LUZP2: variants seen among roughly 807,000 people sequenced by gnomAD.
LUZP2 encodes leucine zipper protein 2.
A neutral mutation model predicts 51.6 loss-of-function variants in LUZP2; 52 were observed. The ratio of observed to expected loss-of-function variants is 1.01; its 90% CI spans 0.81 to 1.27. The LOEUF (loss-of-function observed/expected upper bound fraction) is 1.27. Among genes scored for constraint, LUZP2 ranks in the 50% most tolerant of loss-of-function variants. LUZP2 has a pLI of 0.00. For missense variants in LUZP2, 436 were observed against 395.4 expected, an observed-to-expected ratio of 1.10 and a Z score of -0.87; for synonymous variants, 154 against 137.3, an observed-to-expected ratio of 1.12 and a Z score of -0.85.
At chr11:24,917,532 C>T (rs1171006382) in intron 7 of LUZP2, among the ~76,000 whole-genome samples, 1 of 152,056 alleles carries the variant, frequency 6.6e-6, no homozygotes, top group Non-Finnish European at 1.5e-5. Flanking sequence ...GGAAGGGATC[C>T]AATTTTAGCT....
intron 5 of LUZP2, among the ~76,000 whole-genome samples, chr11:24,806,870 T>C (rs944633721): frequency 1.3e-5 from 2 of 151,434 alleles, no homozygotes; most frequent in African/African-American, 2.4e-5. Flanking sequence ...CCGATTTCTA[T>C]GGAATCACAT....
intron 9 of LUZP2, among the ~76,000 whole-genome samples, chr11:25,016,105 A>G (rs958703471): frequency 6.6e-6 from 1 of 151,798 alleles, no homozygotes; most frequent in African/African-American, 2.4e-5. Context: ...CATTTTTAGT[A>G]GAGACGGGGT....
intron 1 of LUZP2, among the ~76,000 whole-genome samples, chr11:24,660,052 A>G (rs1855966528): frequency 6.6e-6 from 1 of 152,082 alleles, no homozygotes; most frequent in Admixed American, 6.6e-5. Flanking sequence ...GAGGATCTAA[A>G]GTTCAGAGAG....
intron 5 of LUZP2, among the ~76,000 whole-genome samples, chr11:24,846,693 C>G (rs1851209644): frequency 6.6e-6 from 1 of 151,950 alleles, no homozygotes; most frequent in Non-Finnish European, 1.5e-5. Flanking sequence ...AACAGAAAAA[C>G]AATGAAACAA....
At chr11:24,793,667 T>A (rs1344090245) in intron 5 of LUZP2, among the ~76,000 whole-genome samples, 2 of 152,144 alleles carry the variant, frequency 1.3e-5, no homozygotes, top group African/African-American at 4.8e-5. Flanking sequence ...ATGAGGGAAA[T>A]ATTAAGGCAG....
chr11:25,077,775 C>T (rs11028405), intron 11 of LUZP2, among the ~76,000 whole-genome samples: 60,983 of 151,934 alleles, frequency 0.4, 14,020 homozygotes, highest in Non-Finnish European at 0.52. Context: ...GGATTACAGG[C>T]GTGAGCCACC....
At chr11:24,804,984 C>A (rs1849810231) in intron 5 of LUZP2, among the ~76,000 whole-genome samples, 1 of 149,504 alleles carries the variant, frequency 6.7e-6, no homozygotes, top group African/African-American at 2.5e-5. Flanking sequence ...GGACTAGAGG[C>A]ATGTGCCACC....
intron 1 of LUZP2, among the ~76,000 whole-genome samples, chr11:24,507,200 A>T (rs1850169366): frequency 6.6e-6 from 1 of 152,038 alleles, no homozygotes; most frequent in Non-Finnish European, 1.5e-5. Context: ...CCTACCCTAG[A>T]CATTGAATTT....
intron 9 of LUZP2, among the ~76,000 whole-genome samples, chr11:25,011,777 A>C (rs940487118): frequency 1.3e-5 from 2 of 152,060 alleles, no homozygotes; most frequent in African/African-American, 4.8e-5. Flanking sequence ...TTGTGTAATG[A>C]TCAAGTCAGG....
At chr11:24,913,461 T>C (rs1234054718) in intron 6 of LUZP2, among the ~76,000 whole-genome samples, 5 of 152,188 alleles carry the variant, frequency 3.3e-5, no homozygotes, top group African/African-American at 9.6e-5. Flanking sequence ...TTGGCTATTA[T>C]GAATAAAGAT....
chr11:24,774,570 TAGAATATATATAA>T (rs1301275818), intron 5 of LUZP2, among the ~76,000 whole-genome samples: 1 of 24,924 alleles, frequency 4.0e-5, no homozygotes, highest in African/African-American at 2.5e-4. Context: ...TATATATATG[TAGAATATATATAA>T]AGAATATATA....
In LUZP2 at chr11:24,689,650, A is replaced by G. The variant is rs371534925; in HGVS notation, c.63-39519A>G. Among the ~76,000 whole-genome samples the G allele has an allele frequency of 6.6e-4, 101 of 152,280 alleles. 2 individuals carry two copies. In the South Asian group the frequency reaches 0.013, roughly 20 times the overall value. On this transcript the variant is annotated intron_variant, in intron 1 of 11. Coordinates refer to ENST00000336930, the MANE Select transcript of LUZP2 (RefSeq NM_001009909.4). Reference sequence around the variant, plus strand: ...TGGGGAGGACTCTTTTGTCTTGCTCATGTCTGAACTGCTACCTACTTTAAC... The same window carrying G: ...TGGGGAGGACTCTTTTGTCTTGCTCGTGTCTGAACTGCTACCTACTTTAAC...
intron 1 of LUZP2, among the ~76,000 whole-genome samples, chr11:24,631,191 T>G (rs1446048349): frequency 6.6e-6 from 1 of 151,890 alleles, no homozygotes; most frequent in Admixed American, 6.6e-5. Context: ...TTTTTCTCTT[T>G]CCTGATTGTT....
At chr11:24,503,350 T>C (rs1850058613) in intron 1 of LUZP2, among the ~76,000 whole-genome samples, 1 of 152,158 alleles carries the variant, frequency 6.6e-6, no homozygotes, top group Non-Finnish European at 1.5e-5. Context: ...TAAGAGTAGA[T>C]GAAAGGTACA....
chr11:24,520,691 C>T (rs537129281), intron 1 of LUZP2, among the ~76,000 whole-genome samples: 3 of 152,278 alleles, frequency 2.0e-5, no homozygotes, highest in African/African-American at 7.2e-5. Flanking sequence ...GGAACCAATA[C>T]CAGAGCCAGA....
chr11:24,814,435 T>C lies in LUZP2; in HGVS notation c.396+51127T>C, dbSNP rs147751974. Among the ~76,000 whole-genome samples the C allele has an allele frequency of 4.3e-3, 648 of 152,310 alleles. 2 individuals are homozygous for C. Among genetic ancestry groups the C allele is most frequent in the African/African-American group, 0.014 (601 of 41,566 alleles). ...TCTTTATTCCTAGAGACTATGTATG[T>C]GGTCCTTGAGGGCTTTATGAAAGAG... On this transcript the variant is annotated intron_variant, in intron 5 of 11. Transcript: ENST00000336930.
intron 10 of LUZP2, 59 bp from the exon 11 acceptor site, chr11:25,077,270 C>G (rs1859337393): frequency 8.0e-7 from 1 of 1,242,606 alleles, no homozygotes; most frequent in Non-Finnish European, 1.2e-6. Flanking sequence ...GTTTTTGACT[C>G]CCCCCTCCAC....
chr11:24,519,363 C>A (rs1052416368), intron 1 of LUZP2, among the ~76,000 whole-genome samples: 1 of 152,044 alleles, frequency 6.6e-6, no homozygotes, highest in Non-Finnish European at 1.5e-5. Flanking sequence ...CTGGAACTGT[C>A]TAGGAAATCG....
At chr11:24,600,439 G>A (rs1853589778) in intron 1 of LUZP2, among the ~76,000 whole-genome samples, 1 of 152,066 alleles carries the variant, frequency 6.6e-6, no homozygotes, top group African/African-American at 2.4e-5. Flanking sequence ...AATTTGTGGT[G>A]CTTTATTATG....
Sources: allele counts gnomAD v4.1 joint callset (sites outside exome capture counted in the v4.1 genomes callset), GRCh38; gene constraint gnomAD v4.1.1; transcripts MANE v1.5; gene names NCBI Gene and HGNC (gene_info 2026-07-23, HGNC 2026-07-21).